The following SUGCT variants were observed in gnomAD, a reference collection of about 807,000 sequenced individuals.
The protein encoded by SUGCT is succinyl-CoA:glutarate CoA-transferase.
A neutral mutation model predicts 55.0 loss-of-function variants in SUGCT; 41 were observed. The ratio of observed to expected loss-of-function variants is 0.74; its 90% CI spans 0.58 to 0.97. The LOEUF (loss-of-function observed/expected upper bound fraction) is 0.97. Among genes scored for constraint, SUGCT ranks in the 50% least tolerant of loss-of-function variants. The pLI is 0.00. For synonymous variants in SUGCT, 187 were observed against 200.4 expected, an observed-to-expected ratio of 0.93 and a Z score of 0.56; for missense variants, 568 against 547.8, an observed-to-expected ratio of 1.04 and a Z score of -0.37.
intron 9 of SUGCT, among the ~76,000 whole-genome samples, chr7:40,353,703 A>G (rs1797750244): frequency 6.6e-6 from 1 of 152,176 alleles, no homozygotes; most frequent in Admixed American, 6.5e-5. Flanking sequence ...GAGATTTTCT[A>G]TCAATTAGTC....
intron 13 of SUGCT, among the ~76,000 whole-genome samples, chr7:40,828,916 C>T (rs933643540): frequency 2.0e-5 from 3 of 152,124 alleles, no homozygotes; most frequent in Non-Finnish European, 2.9e-5. Flanking sequence ...GGGGGCATGA[C>T]TTTAGTTGTC....
chr7:40,931,709 T>G, the SUGCT span, among the ~76,000 whole-genome samples: 1 of 152,220 alleles, frequency 6.6e-6, no homozygotes, highest in African/African-American at 2.4e-5. Flanking sequence ...TTTATTTGCA[T>G]AGAGGTCTTT....
chr7:40,612,143 G>A (rs893766319), intron 12 of SUGCT, among the ~76,000 whole-genome samples: 2 of 151,958 alleles, frequency 1.3e-5, no homozygotes, highest in African/African-American at 2.4e-5. Context: ...TGGATAGGCC[G>A]TTTTTCAAAG....
chr7:40,391,005 A>T (rs1403171065), intron 9 of SUGCT, among the ~76,000 whole-genome samples: 1 of 152,236 alleles, frequency 6.6e-6, no homozygotes, highest in African/African-American at 2.4e-5. Context: ...CTGTTCTTTG[A>T]CAAACCTGAC....
intron 13 of SUGCT, among the ~76,000 whole-genome samples, chr7:40,833,264 T>A (rs1439031562): frequency 6.6e-6 from 1 of 152,168 alleles, no homozygotes; most frequent in Non-Finnish European, 1.5e-5. Context: ...CCAAGACCCA[T>A]CTTAACAAGA....
the SUGCT span, among the ~76,000 whole-genome samples, chr7:40,871,627 A>AC: frequency 6.6e-6 from 1 of 152,320 alleles, no homozygotes; most frequent in South Asian, 2.1e-4. Context: ...GAGGAGTTTA[A>AC]CTACCTGAGT....
At chr7:40,339,486 G>A (rs1796922951) in intron 9 of SUGCT, among the ~76,000 whole-genome samples, 1 of 152,156 alleles carries the variant, frequency 6.6e-6, no homozygotes, top group South Asian at 2.1e-4. Flanking sequence ...CTTGCAGTTT[G>A]ATCTCAGACC....
chr7:40,629,204 C>A (rs953694413), intron 12 of SUGCT, among the ~76,000 whole-genome samples: 1 of 152,140 alleles, frequency 6.6e-6, no homozygotes, highest in Non-Finnish European at 1.5e-5. Flanking sequence ...ACTTACTAAG[C>A]ATAATTTATG....
intron 9 of SUGCT, among the ~76,000 whole-genome samples, chr7:40,373,001 G>C (rs1476878523): frequency 6.6e-6 from 1 of 151,954 alleles, no homozygotes; most frequent in African/African-American, 2.4e-5. Context: ...TAAGAATTAA[G>C]ATTTGTGCTG....
At chr7:40,638,070 A>G (rs1800100181) in intron 12 of SUGCT, among the ~76,000 whole-genome samples, 1 of 152,220 alleles carries the variant, frequency 6.6e-6, no homozygotes, top group South Asian at 2.1e-4. Flanking sequence ...ATTTGCCACA[A>G]AAGAGCTCCC....
intron 12 of SUGCT, among the ~76,000 whole-genome samples, chr7:40,534,276 C>T (rs551329006): frequency 6.6e-6 from 1 of 152,232 alleles, no homozygotes; most frequent in East Asian, 1.9e-4. Flanking sequence ...TTTAATAATT[C>T]TAAGGACATT....
At chr7:40,793,581 TGTTA>T (rs1297451193) in intron 13 of SUGCT, among the ~76,000 whole-genome samples, 1 of 152,170 alleles carries the variant, frequency 6.6e-6, no homozygotes, top group Non-Finnish European at 1.5e-5. Context: ...ATTGTTTACT[TGTTA>T]GTTTTGTTTT....
chr7:40,490,167 A>C (rs1004121498), intron 11 of SUGCT, among the ~76,000 whole-genome samples: 4 of 152,208 alleles, frequency 2.6e-5, no homozygotes, highest in African/African-American at 9.6e-5. Flanking sequence ...CTTTGTGTGG[A>C]GGCTGTTCGT....
intron 13 of SUGCT, among the ~76,000 whole-genome samples, chr7:40,806,896 A>T (rs193092920): frequency 6.6e-6 from 1 of 152,210 alleles, no homozygotes; most frequent in African/African-American, 2.4e-5. Flanking sequence ...GTCTCCATGC[A>T]GCTCCATGTG....
the SUGCT span, among the ~76,000 whole-genome samples, chr7:40,955,608 A>G: frequency 6.6e-6 from 1 of 152,158 alleles, no homozygotes; most frequent in Non-Finnish European, 1.5e-5. Context: ...CTCTCTTCCT[A>G]TTTGAATCCC....
At chr7:40,481,041 G>A (rs2151488222) in intron 11 of SUGCT, among the ~76,000 whole-genome samples, 1 of 152,316 alleles carries the variant, frequency 6.6e-6, no homozygotes, top group Admixed American at 6.5e-5. Context: ...CAAGTCTGGT[G>A]CAGTGGCCCA....
At chr7:40,254,017 C>T (rs969596903) in intron 7 of SUGCT, among the ~76,000 whole-genome samples, 6 of 152,158 alleles carry the variant, frequency 3.9e-5, no homozygotes, top group African/African-American at 7.2e-5. Flanking sequence ...ATTAACACTA[C>T]GGATGTTTGT....
Position 40,774,165 on chromosome 7 carries a change from G to T in SUGCT, c.1153+24668G>T, listed in dbSNP as rs539490523. 2.0e-5 allele frequency among the ~76,000 whole-genome samples: 3 copies of T among 152,038 alleles called. No homozygotes were observed. The East Asian group carries it at 5.8e-4, about 30-fold the overall frequency. Reference sequence around the variant, plus strand: ...AGCTTATGATTATTTCCAAGTTTTGGAAATCAGCCTTCTTTCCCTTTTAGA... The same window carrying T: ...AGCTTATGATTATTTCCAAGTTTTGTAAATCAGCCTTCTTTCCCTTTTAGA... On this transcript the variant is annotated intron_variant, in intron 13 of 13. Coordinates refer to ENST00000335693, the MANE Select transcript of SUGCT (RefSeq NM_001193313.2).
chr7:40,209,355 G>C (rs990429521), intron 6 of SUGCT, among the ~76,000 whole-genome samples: 1 of 151,892 alleles, frequency 6.6e-6, no homozygotes, highest in Non-Finnish European at 1.5e-5. Flanking sequence ...AAAATTAGCC[G>C]AGCGTGGTGG....
Sources: allele counts gnomAD v4.1 joint callset (sites outside exome capture counted in the v4.1 genomes callset), GRCh38; gene constraint gnomAD v4.1.1; transcripts MANE v1.5; gene names NCBI Gene and HGNC (gene_info 2026-07-23, HGNC 2026-07-21).